Variants in ADGRV1 observed in about 807,000 individuals in gnomAD.
The protein encoded by ADGRV1 is G-protein coupled receptor 98.
A neutral mutation model predicts 596.2 loss-of-function variants in ADGRV1; 359 were observed. The observed-to-expected ratio is 0.60, with a 90% CI of 0.55 to 0.66. The LOEUF (loss-of-function observed/expected upper bound fraction) is 0.66. Among genes scored for constraint, ADGRV1 ranks in the 30% least tolerant of loss-of-function variants. The probability of loss-of-function intolerance (pLI) is 0.00; values close to 1 mark genes in which losing one functional copy is unlikely to be tolerated. For synonymous variants in ADGRV1, 2,681 were observed against 2,679.2 expected, an observed-to-expected ratio of 1.00 and a Z score of -0.02; for missense variants, 7,274 against 7,575.6, an observed-to-expected ratio of 0.96 and a Z score of 1.48.
intron 42 of ADGRV1, among the ~76,000 whole-genome samples, chr5:90,713,904 A>G (rs375374504): frequency 2.0e-5 from 3 of 152,332 alleles, no homozygotes; most frequent in African/African-American, 7.2e-5. Flanking sequence ...GAAATTCCTC[A>G]GAGCAAAAAG....
intron 86 of ADGRV1, among the ~76,000 whole-genome samples, chr5:91,073,953 C>A (rs1320400464): frequency 6.6e-6 from 1 of 152,208 alleles, no homozygotes; most frequent in Non-Finnish European, 1.5e-5. Context: ...CTGCTTCAGC[C>A]TCCCAAAGTG....
chr5:91,112,975 A>G (rs1792508280), intron 87 of ADGRV1, among the ~76,000 whole-genome samples: 1 of 152,194 alleles, frequency 6.6e-6, no homozygotes. Context: ...CAGGATATAT[A>G]TAAAGAAAAC....
In ADGRV1 at chr5:90,829,005, T is replaced by C. The variant is rs1035819163; in HGVS notation, c.16430T>C (p.Ile5477Thr). 5.0e-6 allele frequency: 8 copies of C among 1,608,938 alleles called. No homozygotes were observed. The highest frequency in any genetic ancestry group is 5.9e-6 in the Non-Finnish European group (7 of 1,176,790). ...ELYEATAGAA[I>T]NNSARFAQIK... is the part of the protein sequence containing the mutation. ...TATGAAGCTACTGCTGGAGCAGCAA[T>C]AAACAACAGTGCCAGATTCGCACAG... Residue 5477 changes from isoleucine to threonine, a missense_variant, in exon 77 of 90, where the codon ATA (isoleucine) becomes ACA (threonine). Ile to Thr is a moderately conservative substitution (Grantham distance 89). Transcript: ENST00000405460.
At chr5:90,805,109 A>C in intron 71 of ADGRV1, 175 bp from the exon 72 acceptor site, 1 of 421,768 alleles carries the variant, frequency 2.4e-6, no homozygotes, top group Non-Finnish European at 4.1e-6. Context: ...CTAAATAATA[A>C]AGTAAAATAA....
intron 85 of ADGRV1, among the ~76,000 whole-genome samples, chr5:91,036,924 C>T (rs967458329): frequency 6.6e-6 from 1 of 152,120 alleles, no homozygotes; most frequent in African/African-American, 2.4e-5. Flanking sequence ...ACTTAGATGA[C>T]CTTTTTGTTG....
rs1487028244 is a variant in ADGRV1, at chr5:90,783,869, A to G, written c.13465A>G (p.Thr4489Ala). 1 of 1,609,978 alleles carries G rather than the reference A, an allele frequency of 6.2e-7. No homozygotes were observed. The highest frequency in any genetic ancestry group is 2.2e-5 in the East Asian group (1 of 44,756). The part of the protein sequence containing the change: ...EFEEPIEILL[T>A]GATGGAVLGR... ...TGAGGAGCCCATTGAAATTCTACTC[A>G]CTGGAGCTACTGGAGGAGCGGTCCT... Residue 4489 changes from threonine (T) to alanine (A), a missense_variant, in exon 67 of 90, where the codon ACT becomes GCT. By Grantham distance (58) the Thr-to-Ala change is moderately conservative. Around this residue, in one of 5 missense-constraint regions of ADGRV1, gnomAD observed 3,643 missense variants for 3,809.2 expected, o/e 0.96. Coordinates refer to ENST00000405460, the MANE Select transcript of ADGRV1 (RefSeq NM_032119.4).
intron 1 of ADGRV1, among the ~76,000 whole-genome samples, chr5:90,605,367 A>ATT (rs1355395544): frequency 7.3e-5 from 11 of 151,586 alleles, no homozygotes; most frequent in African/African-American, 2.7e-4. Context: ...GTGAGCCAAG[A>ATT]TCGCGCCACT....
At chr5:90,570,430 T>C (rs780968642) in intron 1 of ADGRV1, among the ~76,000 whole-genome samples, 3 of 152,178 alleles carry the variant, frequency 2.0e-5, no homozygotes, top group Non-Finnish European at 2.9e-5. Context: ...ACTTAGAGTT[T>C]ACTGAGCTTC....
intron 83 of ADGRV1, among the ~76,000 whole-genome samples, chr5:90,904,537 G>T (rs1180693457): frequency 1.3e-5 from 2 of 151,926 alleles, no homozygotes; most frequent in African/African-American, 4.8e-5. Flanking sequence ...CTTTTCATAT[G>T]CCTGTTCACC....
chr5:90,719,949 C>A, intron 43 of ADGRV1, 99 bp from the exon 44 acceptor site: 2 of 863,192 alleles, frequency 2.3e-6, no homozygotes, highest in Non-Finnish European at 3.8e-6. Context: ...TTTTTCAAAA[C>A]ATGCTATTTT....
chr5:90,991,064 T>G (rs546036264), intron 85 of ADGRV1, among the ~76,000 whole-genome samples: 71 of 152,276 alleles, frequency 4.7e-4, no homozygotes, highest in African/African-American at 1.7e-3. Context: ...GGAACCCCAG[T>G]TATGTGAATA....
At chr5:90,996,412 G>A (rs192124560) in intron 85 of ADGRV1, among the ~76,000 whole-genome samples, 21 of 152,324 alleles carry the variant, frequency 1.4e-4, no homozygotes, top group East Asian at 3.9e-4. Context: ...CAACTTCCAC[G>A]TGGTATTAAG....
At chr5:91,030,652 T>A (rs975865746) in intron 85 of ADGRV1, among the ~76,000 whole-genome samples, 14 of 152,176 alleles carry the variant, frequency 9.2e-5, no homozygotes, top group Non-Finnish European at 1.9e-4. Flanking sequence ...AATGTTCATA[T>A]TTATTTTTTC....
intron 83 of ADGRV1, among the ~76,000 whole-genome samples, chr5:90,923,710 ATG>A (rs1774113066): frequency 3.9e-5 from 6 of 152,260 alleles, no homozygotes; most frequent in Non-Finnish European, 8.8e-5. Flanking sequence ...TACATGTGCC[ATG>A]CTGGTGCGCT....
chr5:91,149,030 C>A (rs1369957888), intron 87 of ADGRV1, among the ~76,000 whole-genome samples: 1 of 152,126 alleles, frequency 6.6e-6, no homozygotes, highest in Non-Finnish European at 1.5e-5. Flanking sequence ...TGTCTGTATC[C>A]CCATCATATC....
intron 1 of ADGRV1, among the ~76,000 whole-genome samples, chr5:90,570,306 A>G (rs1314844145): frequency 6.6e-6 from 1 of 152,116 alleles, no homozygotes; most frequent in Non-Finnish European, 1.5e-5. Flanking sequence ...ATTAATCAGG[A>G]TATCACTTTT....
intron 82 of ADGRV1, among the ~76,000 whole-genome samples, 161 bp downstream of exon 82, chr5:90,856,062 C>A (rs1766994406): frequency 6.6e-6 from 1 of 152,058 alleles, no homozygotes; most frequent in East Asian, 1.9e-4. Flanking sequence ...ATTCATTCAA[C>A]AAATATTTAT....
At chr5:91,155,465 C>T (rs963651110) in intron 89 of ADGRV1, among the ~76,000 whole-genome samples, 2 of 152,136 alleles carry the variant, frequency 1.3e-5, no homozygotes, top group African/African-American at 4.8e-5. Context: ...ACTAGAGTTC[C>T]CCAGCTGGGT....
In ADGRV1 at chr5:90,654,341, G is replaced by A. The variant is rs978326388; in HGVS notation, c.4378+389G>A. On this transcript the variant is annotated intron_variant, in intron 20 of 89. Coordinates refer to ENST00000405460, the MANE Select transcript of ADGRV1 (RefSeq NM_032119.4). Reference sequence around the variant, plus strand: ...GAATAGAAATGTGAAACAGCGTGTTGCACCTGGGGAACTGCTGCTAGTTCA... The same window carrying A: ...GAATAGAAATGTGAAACAGCGTGTTACACCTGGGGAACTGCTGCTAGTTCA... 4.3e-5 allele frequency: 10 copies of A among 235,030 alleles called. No homozygotes were observed. The Admixed American group carries it at 5.2e-4, about 12-fold the overall frequency. The allele number at this position is 235,030 out of a possible 1,614,324, so 14.6% of individuals were successfully genotyped here.
Sources: allele counts gnomAD v4.1 joint callset (sites outside exome capture counted in the v4.1 genomes callset), GRCh38; gene constraint gnomAD v4.1.1; regional missense constraint gnomAD v4.1.1; transcripts MANE v1.5; gene names NCBI Gene and HGNC (gene_info 2026-07-23, HGNC 2026-07-21).